The following GFRAL variants were observed in gnomAD, a reference collection of about 807,000 sequenced individuals.
The protein encoded by GFRAL is GDNF family receptor alpha like.
In GFRAL, 36 loss-of-function variants were observed where a neutral mutation model predicts 45.4. That is an observed-to-expected ratio of 0.79 (90% CI 0.61 to 1.05). The LOEUF (loss-of-function observed/expected upper bound fraction) is 1.05. Among genes scored for constraint, GFRAL ranks in the 50% least tolerant of loss-of-function variants. GFRAL has a pLI of 0.00. For missense variants in GFRAL, 507 were observed against 467.5 expected (o/e 1.08, Z -0.78); for synonymous variants, 166 against 154.1 (o/e 1.08, Z -0.57).
intron 1 of GFRAL, among the ~76,000 whole-genome samples, chr6:55,329,138 A>G (rs1767799745): frequency 6.6e-6 from 1 of 152,108 alleles, no homozygotes; most frequent in Admixed American, 6.6e-5. Flanking sequence ...ATAGTTTGGA[A>G]TGAATAAGAC....
At chr6:55,386,280 G>T (rs1226551219) in intron 6 of GFRAL, among the ~76,000 whole-genome samples, 1 of 151,972 alleles carries the variant, frequency 6.6e-6, no homozygotes, top group East Asian at 1.9e-4. Context: ...TTTGCTTCTA[G>T]TACTTACGTG....
rs546847810 is a variant in GFRAL, at chr6:55,336,140, C to T, written c.316+2196C>T. Among the ~76,000 whole-genome samples, 188 of 152,184 alleles carry T rather than the reference C, an allele frequency of 1.2e-3. 1 individual carries two copies. Among genetic ancestry groups the T allele is most frequent in the African/African-American group, 3.7e-3 (155 of 41,508 alleles). ...TGTATTTTTAGTAGAAACGGGTTTTCGCCATGTTGGCCAGGCTGGTCTGCA... is the reference window on the plus strand; with the variant it reads ...TGTATTTTTAGTAGAAACGGGTTTTTGCCATGTTGGCCAGGCTGGTCTGCA... On this transcript the variant is annotated intron_variant, in intron 3 of 8. Coordinates refer to ENST00000340465, the MANE Select transcript of GFRAL (RefSeq NM_207410.2).
intron 6 of GFRAL, among the ~76,000 whole-genome samples, chr6:55,396,560 T>A (rs549488327): frequency 4.1e-4 from 62 of 152,032 alleles, no homozygotes; most frequent in East Asian, 1.2e-3. Context: ...AGCTTTTTTT[T>A]AAAAAAGGCC....
chr6:55,360,011 T>G (rs755153609), intron 6 of GFRAL, among the ~76,000 whole-genome samples: 10 of 152,138 alleles, frequency 6.6e-5, no homozygotes, highest in Non-Finnish European at 1.0e-4. Context: ...CTGATCAACC[T>G]ATAATGATGA....
At chr6:55,328,280 A>G (rs1202937604) in intron 1 of GFRAL, among the ~76,000 whole-genome samples, 1 of 151,926 alleles carries the variant, frequency 6.6e-6, no homozygotes, top group East Asian at 1.9e-4. Context: ...CTTCTTTAGC[A>G]TTTGGTAGAA....
At chr6:55,341,486 C>A (rs1481919469) in intron 3 of GFRAL, among the ~76,000 whole-genome samples, 2 of 152,132 alleles carry the variant, frequency 1.3e-5, no homozygotes, top group Non-Finnish European at 2.9e-5. Flanking sequence ...GGAAAACTAA[C>A]AAACAGAAAG....
At chr6:55,368,304 A>C (rs549289103) in intron 6 of GFRAL, among the ~76,000 whole-genome samples, 3 of 148,930 alleles carry the variant, frequency 2.0e-5, no homozygotes, top group Non-Finnish European at 3.0e-5. Flanking sequence ...AGCTCCTTTA[A>C]GCACTTCTCT....
At chr6:55,393,294 A>G (rs937506615) in intron 6 of GFRAL, among the ~76,000 whole-genome samples, 1 of 152,210 alleles carries the variant, frequency 6.6e-6, no homozygotes, top group Admixed American at 6.5e-5. Flanking sequence ...TAAAATGCAT[A>G]TATTACATCT....
chr6:55,363,755 A>T (rs1367662086), intron 6 of GFRAL, among the ~76,000 whole-genome samples: 1 of 151,474 alleles, frequency 6.6e-6, no homozygotes, highest in East Asian at 1.9e-4. Flanking sequence ...TGTCCCTACA[A>T]AGGACATGAA....
intron 5 of GFRAL, 38 bp downstream of exon 5, chr6:55,351,621 G>T (rs1768119523): frequency 2.7e-6 from 4 of 1,482,226 alleles, no homozygotes; most frequent in Non-Finnish European, 3.7e-6. Context: ...TCTTATTTCG[G>T]CACCTTATTT....
intron 3 of GFRAL, among the ~76,000 whole-genome samples, chr6:55,335,181 T>C (rs1386966346): frequency 2.0e-5 from 3 of 152,200 alleles, no homozygotes; most frequent in African/African-American, 4.8e-5. Context: ...TTCTAATATA[T>C]AGTGGTACTA....
chr6:55,371,496 G>A (rs912480820), intron 6 of GFRAL, among the ~76,000 whole-genome samples: 1 of 151,926 alleles, frequency 6.6e-6, no homozygotes, highest in Non-Finnish European at 1.5e-5. Context: ...AAATATAAAT[G>A]GTGATAGTGA....
chr6:55,360,370 T>C (rs968866651), intron 6 of GFRAL, among the ~76,000 whole-genome samples: 3 of 151,766 alleles, frequency 2.0e-5, no homozygotes, highest in Non-Finnish European at 4.4e-5. Context: ...ATTGAAAATG[T>C]TTGACAGACA....
At chr6:55,385,692 T>A (rs139719341) in intron 6 of GFRAL, among the ~76,000 whole-genome samples, 1 of 152,090 alleles carries the variant, frequency 6.6e-6, no homozygotes, top group Non-Finnish European at 1.5e-5. Context: ...TTATAAATGT[T>A]ACATTTCACA....
intron 6 of GFRAL, among the ~76,000 whole-genome samples, chr6:55,387,656 G>C (rs1306357939): frequency 2.6e-5 from 4 of 152,162 alleles, no homozygotes; most frequent in African/African-American, 9.7e-5. Context: ...GCAATGAGTA[G>C]ACATTTGTGA....
At chr6:55,333,297 A>T (rs780238603) in intron 2 of GFRAL, among the ~76,000 whole-genome samples, 49 of 152,134 alleles carry the variant, frequency 3.2e-4, no homozygotes, top group Non-Finnish European at 6.2e-4. Flanking sequence ...ATTGGTAATT[A>T]TGAGACTTAT....
chr6:55,349,167 A>C (rs182855869), intron 3 of GFRAL, among the ~76,000 whole-genome samples: 3 of 151,960 alleles, frequency 2.0e-5, no homozygotes, highest in Non-Finnish European at 1.5e-5. Context: ...CAATATAAGG[A>C]GTCTGGAAGG....
At chr6:55,360,030 A>G (rs1051295464) in intron 6 of GFRAL, among the ~76,000 whole-genome samples, 12 of 152,016 alleles carry the variant, frequency 7.9e-5, no homozygotes, top group Admixed American at 1.3e-4. Flanking sequence ...GAAATGGAAA[A>G]CATATTTTCC....
rs139916106 is a variant in GFRAL at position 55,378,739 on chromosome 6, A to C, written c.952+19601A>C. ...ACCAAGCAATTTACCACTGACCATG[A>C]GTCTTACTTCTAGCCACTTGTCTTT... On this transcript the variant is annotated intron_variant, in intron 6 of 8. Transcript: ENST00000340465. 3.3e-3 allele frequency among the ~76,000 whole-genome samples: 498 copies of C among 151,864 alleles called. 2 individuals carry two copies. The highest frequency in any genetic ancestry group is 0.01 in the African/African-American group (423 of 41,432).
Sources: allele counts gnomAD v4.1 joint callset (sites outside exome capture counted in the v4.1 genomes callset), GRCh38; gene constraint gnomAD v4.1.1; transcripts MANE v1.5; gene names NCBI Gene and HGNC (gene_info 2026-07-23, HGNC 2026-07-21).